Variants in NPTN observed in about 807,000 individuals in gnomAD.
The protein encoded by NPTN is SDR-1.
Under a neutral mutation model 42.7 loss-of-function variants are expected in NPTN, and 5 were observed. The observed-to-expected ratio is 0.12, with a 90% CI of 0.06 to 0.25. The LOEUF is 0.25. Ranked by LOEUF, NPTN falls within the 10% of genes least tolerant of loss-of-function variation. NPTN has a pLI of 1.00. For synonymous variants in NPTN, 180 were observed against 201.9 expected (o/e 0.89, Z 0.92); for missense variants, 307 against 525.4 (o/e 0.58, Z 4.06).
At chr15:73,604,308 T>C (rs1285459184) in intron 1 of NPTN, among the ~76,000 whole-genome samples, 1 of 151,948 alleles carries the variant, frequency 6.6e-6, no homozygotes, top group African/African-American at 2.4e-5. Flanking sequence ...TTCAAAAAAT[T>C]AGCCAGGTGT....
intron 1 of NPTN, among the ~76,000 whole-genome samples, chr15:73,600,303 A>G (rs1275672692): frequency 6.6e-6 from 1 of 152,098 alleles, no homozygotes; most frequent in African/African-American, 2.4e-5. Context: ...AAGATAAAAA[A>G]CCCTTTAAAA....
Position 73,591,972 on chromosome 15 carries a change from T to G in NPTN, c.605A>C (p.Glu202Ala). ...SATRKNASNMEYRINKPRAED... is the reference protein window; with the variant it reads ...SATRKNASNMAYRINKPRAED... Reference sequence around the variant, plus strand: ...AGCTGCCCACCACTCTCACCTGTACTCCATGTTGCTGGCATTCTTACGAGT... The same window carrying G: ...AGCTGCCCACCACTCTCACCTGTACGCCATGTTGCTGGCATTCTTACGAGT... The change falls in exon 3 of 9, where the codon GAG (glutamate) becomes GCG (alanine). Residue 202 changes from glutamate to alanine, a missense_variant. Around this residue, in one of 2 missense-constraint regions of NPTN, gnomAD observed 264 missense variants for 491.1 expected, o/e 0.54. Transcript: ENST00000345330. 1 of 1,612,468 alleles carries G rather than the reference T, an allele frequency of 6.2e-7. No homozygotes were observed. Among genetic ancestry groups the G allele is most frequent in the Non-Finnish European group, 8.5e-7 (1 of 1,179,142 alleles).
At chr15:73,619,626 G>T (rs1261155236) in intron 1 of NPTN, among the ~76,000 whole-genome samples, 1 of 152,158 alleles carries the variant, frequency 6.6e-6, no homozygotes, top group East Asian at 1.9e-4. Flanking sequence ...GAAATAGTTT[G>T]GAATAAGCAT....
intron 1 of NPTN, among the ~76,000 whole-genome samples, chr15:73,631,301 T>TC (rs1898728352): frequency 6.6e-6 from 1 of 152,160 alleles, no homozygotes. Context: ...GTCGAAAAAC[T>TC]GATAAGACAA....
intron 1 of NPTN, chr15:73,599,541 G>A (rs1896987023): frequency 6.6e-6 from 1 of 152,182 alleles, no homozygotes; most frequent in Admixed American, 6.6e-5. Flanking sequence ...TTGAACCCAG[G>A]AGGCGGAGGT....
Position 73,569,580 on chromosome 15 carries a change from A to G in NPTN, c.1114+570T>C, listed in dbSNP as rs1895250298. The G allele has an allele frequency of 1.0e-6, 1 of 985,326 alleles. No individual in the cohort carries two copies. Among genetic ancestry groups the G allele is most frequent in the Non-Finnish European group, 1.2e-6 (1 of 829,942 alleles). 61.0% of individuals were successfully genotyped at this position (985,326 alleles called of 1,614,324 possible). ...AAGCCACCCAGCAGAGAGCGCTGGA[A>G]ACCTATCAAAGGGACCAACCAAGGA... On this transcript the variant is annotated intron_variant, in intron 6 of 8. Transcript: ENST00000345330. The surrounding 1 kb of genome is among the most constrained non-coding windows in gnomAD (Gnocchi z 4.1).
At chr15:73,579,091 T>C (rs919842715) in intron 4 of NPTN, among the ~76,000 whole-genome samples, 3 of 149,398 alleles carry the variant, frequency 2.0e-5, no homozygotes, top group Non-Finnish European at 4.4e-5. Context: ...CCATCCTGGC[T>C]AACACGGTGA....
intron 1 of NPTN, among the ~76,000 whole-genome samples, chr15:73,630,252 T>G (rs563696965): frequency 6.6e-6 from 1 of 152,326 alleles, no homozygotes; most frequent in African/African-American, 2.4e-5. Context: ...TCAAGATCAC[T>G]CAGCTACTGA....
At chr15:73,583,306 T>C (rs968967004) in intron 4 of NPTN, among the ~76,000 whole-genome samples, 1 of 152,204 alleles carries the variant, frequency 6.6e-6, no homozygotes, top group Non-Finnish European at 1.5e-5. Flanking sequence ...CAGGGCACCA[T>C]GGCTTGGTGC....
intron 6 of NPTN, chr15:73,568,234 G>A (rs1895150959): frequency 6.1e-6 from 6 of 985,340 alleles, no homozygotes; most frequent in Non-Finnish European, 7.2e-6. Flanking sequence ...TGACTTCTTA[G>A]GGCAAAGACT....
chr15:73,573,603 T>G, intron 5 of NPTN, 59 bp downstream of exon 5: 1 of 1,504,066 alleles, frequency 6.6e-7, no homozygotes, highest in East Asian at 2.5e-5. Context: ...GACCCACGTG[T>G]CTGGACCTCT....
At chr15:73,606,863 C>T (rs971246856) in intron 1 of NPTN, among the ~76,000 whole-genome samples, 1 of 152,180 alleles carries the variant, frequency 6.6e-6, no homozygotes, top group African/African-American at 2.4e-5. Context: ...CATCTGTGAA[C>T]TTCCTTGTAA....
intron 3 of NPTN, 170 bp downstream of exon 3, chr15:73,591,796 G>A (rs1380074276): frequency 9.1e-6 from 5 of 547,506 alleles, no homozygotes; most frequent in Non-Finnish European, 1.3e-5. Flanking sequence ...AATCCTTTGG[G>A]AATCTTTTCT....
At chr15:73,578,992 C>CAA (rs532918109) in intron 4 of NPTN, among the ~76,000 whole-genome samples, 1,815 of 54,620 alleles carry the variant, frequency 0.033, 28 homozygotes, top group African/African-American at 0.046. Flanking sequence ...GATTCTGTCT[C>CAA]AAAAAAAAAA....
At position 73,569,043 on chromosome 15, in the gene NPTN, A is replaced by T; in HGVS notation, c.1114+1107T>A. Reference sequence around the variant, plus strand: ...TCTGTGGGGCAGGATACAGCACCACAGGTGCACAAACACAGGCCCCAGAAC... The same window carrying T: ...TCTGTGGGGCAGGATACAGCACCACTGGTGCACAAACACAGGCCCCAGAAC... On this transcript the variant is annotated intron_variant, in intron 6 of 8. Transcript: ENST00000345330. This position sits in a 1 kb window ranked among gnomAD's most constrained non-coding sequence, Gnocchi z 4.1. The T allele has an allele frequency of 2.0e-6, 2 of 985,550 alleles. No individual in the cohort carries two copies. The highest frequency in any genetic ancestry group is 2.4e-6 in the Non-Finnish European group (2 of 830,030). 61.1% of individuals were successfully genotyped at this position (985,550 alleles called of 1,614,324 possible).
intron 6 of NPTN, among the ~76,000 whole-genome samples, chr15:73,566,658 A>T (rs1222558087): frequency 6.6e-6 from 1 of 152,236 alleles, no homozygotes; most frequent in East Asian, 1.9e-4. Context: ...ACACCAACAC[A>T]GAAGGTGCAC....
intron 8 of NPTN, among the ~76,000 whole-genome samples, chr15:73,561,455 G>A (rs10851862): frequency 0.014 from 2,149 of 152,238 alleles, 28 homozygotes; most frequent in East Asian, 0.054. Context: ...TGAGGCAGGC[G>A]GATCACTTGA....
chr15:73,561,242 G>A (rs1447929534), intron 8 of NPTN, among the ~76,000 whole-genome samples, 194 bp from the exon 9 acceptor site: 13 of 152,210 alleles, frequency 8.5e-5, no homozygotes, highest in Admixed American at 5.2e-4. Context: ...GCCCCCAGAC[G>A]TGAGGTAAGA....
At chr15:73,630,458 C>T (rs1487888190) in intron 1 of NPTN, among the ~76,000 whole-genome samples, 1 of 152,172 alleles carries the variant, frequency 6.6e-6, no homozygotes, top group Admixed American at 6.5e-5. Context: ...AAGGATTTTA[C>T]TTGGAATTGG....
Sources: gnomAD v4.1 joint callset for allele counts (sites outside exome capture counted in the v4.1 genomes callset) on GRCh38, gnomAD v4.1.1 for gene constraint, gnomAD v4.1.1 regional missense constraint, Gnocchi (gnomAD v3.1) non-coding constraint, MANE v1.5 for transcripts, NCBI Gene and HGNC (gene_info 2026-07-23, HGNC 2026-07-21) for gene names.